Variants in LEPR observed in about 807,000 individuals in gnomAD.
LEPR encodes OB receptor.
Under a neutral mutation model 114.7 loss-of-function variants are expected in LEPR, and 56 were observed. The ratio of observed to expected loss-of-function variants is 0.49; its 90% CI spans 0.39 to 0.61. The LOEUF (loss-of-function observed/expected upper bound fraction) is 0.61, where lower values mean the gene tolerates loss of function less well. Among genes scored for constraint, LEPR ranks in the 20% least tolerant of loss-of-function variants. The pLI, the probability that LEPR is intolerant of heterozygous loss-of-function variation, is 0.00. For synonymous variants in LEPR, 443 were observed against 461.4 expected, an observed-to-expected ratio of 0.96 and a Z score of 0.51; for missense variants, 1,202 against 1,352.9, an observed-to-expected ratio of 0.89 and a Z score of 1.75.
At chr1:65,574,853 T>C (rs561782485) in intron 5 of LEPR, among the ~76,000 whole-genome samples, 2 of 152,132 alleles carry the variant, frequency 1.3e-5, no homozygotes, top group South Asian at 4.1e-4. Context: ...CTGAATGATA[T>C]GTACGGATTT....
At chr1:65,471,332 G>C (rs1029926004) in intron 2 of LEPR, among the ~76,000 whole-genome samples, 1 of 152,148 alleles carries the variant, frequency 6.6e-6, no homozygotes. Flanking sequence ...TGTGGGGTCA[G>C]GGCATGGAAA....
At position 65,605,166 on chromosome 1, in the gene LEPR, T is replaced by C; in HGVS notation, c.1532T>C (p.Met511Thr). 1.2e-6 allele frequency: 2 copies of C among 1,614,156 alleles called. No homozygotes were observed. Among genetic ancestry groups the C allele is most frequent in the Non-Finnish European group, 1.7e-6 (2 of 1,180,030 alleles). Residue 511 changes from methionine to threonine, a missense_variant, in exon 11 of 20, where the codon ATG becomes ACG. Met to Thr is a moderately conservative substitution (Grantham distance 81, BLOSUM62 -1). Coordinates refer to ENST00000349533, the MANE Select transcript of LEPR (RefSeq NM_002303.6). Reference sequence around the variant, plus strand: ...ATCTTCCTATTATCTGGCTACACAATGTGGATTAGGATCAATCACTCTCTA... The same window carrying C: ...ATCTTCCTATTATCTGGCTACACAACGTGGATTAGGATCAATCACTCTCTA... ...QPIFLLSGYT[M>T]WIRINHSLGS...
chr1:65,472,664 A>G (rs925686326), intron 2 of LEPR, among the ~76,000 whole-genome samples: 12 of 151,760 alleles, frequency 7.9e-5, no homozygotes, highest in African/African-American at 2.9e-4. Context: ...TTCTTTTTTA[A>G]AAGAGTGTAA....
intron 1 of LEPR, among the ~76,000 whole-genome samples, chr1:65,424,048 C>G (rs1478501360): frequency 6.6e-6 from 1 of 152,114 alleles, no homozygotes; most frequent in Non-Finnish European, 1.5e-5. Flanking sequence ...TAGCTTCTAC[C>G]CAAAGTCATA....
chr1:65,604,570 G>T (rs1656682980), intron 10 of LEPR, among the ~76,000 whole-genome samples: 1 of 152,154 alleles, frequency 6.6e-6, no homozygotes, highest in African/African-American at 2.4e-5. Context: ...GCCCGCCTCA[G>T]CCTCCCAAAG....
chr1:65,445,536 T>C (rs1179092351), intron 2 of LEPR, among the ~76,000 whole-genome samples: 1 of 152,198 alleles, frequency 6.6e-6, no homozygotes, highest in Non-Finnish European at 1.5e-5. Flanking sequence ...AAAGTCTTTA[T>C]AACGTGAAGA....
chr1:65,550,924 G>A (rs1182004151), intron 2 of LEPR, among the ~76,000 whole-genome samples: 9 of 152,028 alleles, frequency 5.9e-5, no homozygotes, highest in Admixed American at 5.9e-4. Context: ...CACACTGGGA[G>A]CTGTAGACCA....
chr1:65,613,716 G>A (rs111535986), intron 14 of LEPR, among the ~76,000 whole-genome samples: 2,364 of 53,040 alleles, frequency 0.045, 187 homozygotes, highest in African/African-American at 0.16. Flanking sequence ...TTGCGCCATT[G>A]CAGTCCGCAG....
intron 11 of LEPR, 94 bp downstream of exon 11, chr1:65,605,331 C>T: frequency 6.7e-7 from 1 of 1,503,690 alleles, no homozygotes; most frequent in Non-Finnish European, 9.2e-7. Context: ...TTTCTGATCA[C>T]ATTAGATTTT....
At chr1:65,453,187 T>C (rs1435665929) in intron 2 of LEPR, among the ~76,000 whole-genome samples, 2 of 152,226 alleles carry the variant, frequency 1.3e-5, no homozygotes, top group Non-Finnish European at 2.9e-5. Flanking sequence ...TTTATTAGTC[T>C]TGTTAGCAGT....
At chr1:65,441,248 G>A (rs1646644769) in intron 2 of LEPR, among the ~76,000 whole-genome samples, 1 of 152,206 alleles carries the variant, frequency 6.6e-6, no homozygotes, top group Non-Finnish European at 1.5e-5. Flanking sequence ...CCACTTGAGT[G>A]TCTGTCCCTG....
chr1:65,531,669 T>C (rs2100621709), intron 2 of LEPR, among the ~76,000 whole-genome samples: 1 of 152,306 alleles, frequency 6.6e-6, no homozygotes, highest in South Asian at 2.1e-4. Context: ...TTGAATGCTA[T>C]TGTTTGTTCA....
intron 2 of LEPR, among the ~76,000 whole-genome samples, chr1:65,508,910 G>A (rs1457999460): frequency 6.6e-6 from 1 of 151,844 alleles, no homozygotes; most frequent in Non-Finnish European, 1.5e-5. Context: ...CACTTCCTCG[G>A]TTAAATTACT....
intron 2 of LEPR, among the ~76,000 whole-genome samples, chr1:65,479,350 A>G (rs952817927): frequency 2.6e-5 from 4 of 152,176 alleles, no homozygotes; most frequent in African/African-American, 9.7e-5. Flanking sequence ...AGTTCTAAGT[A>G]TTCTATATGG....
intron 16 of LEPR, 59 bp from the exon 17 acceptor site, chr1:65,619,869 G>C: frequency 1.6e-6 from 2 of 1,251,564 alleles, no homozygotes; most frequent in South Asian, 1.2e-5. Context: ...TAAAATGTAT[G>C]TTCCACTCAT....
chr1:65,427,400 C>T (rs1646400429), intron 2 of LEPR, among the ~76,000 whole-genome samples: 1 of 151,944 alleles, frequency 6.6e-6, no homozygotes, highest in East Asian at 1.9e-4. Flanking sequence ...AAAGTGAGAC[C>T]CCATTCTACA....
intron 2 of LEPR, among the ~76,000 whole-genome samples, chr1:65,456,401 T>C (rs77980027): frequency 0.091 from 13,865 of 152,230 alleles, 778 homozygotes; most frequent in South Asian, 0.16. Context: ...TGTCCATTTC[T>C]GACAGAGGAG....
intron 2 of LEPR, among the ~76,000 whole-genome samples, chr1:65,507,700 C>T (rs1423721745): frequency 6.6e-6 from 1 of 151,522 alleles, no homozygotes; most frequent in Non-Finnish European, 1.5e-5. Flanking sequence ...TTGCATATAC[C>T]CAGAGGTAGA....
In LEPR at chr1:65,570,454, CTT is replaced by C; in HGVS notation, c.41-15_41-14del. 1 of 1,608,898 alleles carries C rather than the reference CTT, an allele frequency of 6.2e-7. No homozygotes were observed. Among genetic ancestry groups the C allele is most frequent in the Non-Finnish European group, 8.5e-7 (1 of 1,177,368 alleles). ...AAAATGATTACTTTTTTCTATGTGT[CTT>C]TTTAATATCCTAACAGAATTTATTT... On this transcript the variant is annotated splice_polypyrimidine_tract_variant and intron_variant, in intron 3 of 19. Coordinates refer to ENST00000349533, the MANE Select transcript of LEPR (RefSeq NM_002303.6).
Sources: allele counts gnomAD v4.1 joint callset (sites outside exome capture counted in the v4.1 genomes callset), GRCh38; gene constraint gnomAD v4.1.1; transcripts MANE v1.5; gene names NCBI Gene and HGNC (gene_info 2026-07-23, HGNC 2026-07-21).